The following GALNTL6 variants were observed in gnomAD, a reference collection of about 807,000 sequenced individuals.
The protein encoded by GALNTL6 is polypeptide N-acetylgalactosaminyltransferase like 6, also known as polypeptide N-acetylgalactosaminyltransferase-like 6.
In GALNTL6, 46 loss-of-function variants were observed where a neutral mutation model predicts 73.7. The ratio of observed to expected loss-of-function variants is 0.62; its 90% CI spans 0.49 to 0.80. GALNTL6 has a LOEUF of 0.80. Ranked by LOEUF, GALNTL6 falls within the 30% of genes least tolerant of loss-of-function variation. The pLI is 0.00. For synonymous variants in GALNTL6, 259 were observed against 263.7 expected, an observed-to-expected ratio of 0.98 and a Z score of 0.17; for missense variants, 604 against 755.0, an observed-to-expected ratio of 0.80 and a Z score of 2.34.
intron 5 of GALNTL6, among the ~76,000 whole-genome samples, chr4:172,533,309 G>A (rs1044138526): frequency 6.2e-4 from 83 of 134,114 alleles, no homozygotes; most frequent in African/African-American, 2.1e-3. Context: ...CGCCGTGCCC[G>A]GCCAGAATTT....
rs563642967 is a variant in GALNTL6, at chr4:172,090,135, A to G, written c.139-139521A>G. On this transcript the variant is annotated intron_variant, in intron 2 of 12. Transcript: ENST00000506823. ...TTTGGGTTGGTTCCAAGTCTTTGCT[A>G]TTGTGAACGGTGCCACAATAAACAT... Among the ~76,000 whole-genome samples, 9 of 152,298 alleles carry G rather than the reference A, an allele frequency of 5.9e-5. No individual in the cohort carries two copies. The East Asian group carries it at 1.7e-3, about 29-fold the overall frequency.
chr4:172,552,755 A>C (rs1431336157), intron 5 of GALNTL6, among the ~76,000 whole-genome samples: 1 of 127,830 alleles, frequency 7.8e-6, no homozygotes, highest in South Asian at 2.7e-4. Flanking sequence ...TTAATTCTAT[A>C]TTGCTTTTTC....
chr4:172,153,293 T>C (rs1307033488), intron 2 of GALNTL6, among the ~76,000 whole-genome samples: 3 of 152,180 alleles, frequency 2.0e-5, no homozygotes, highest in African/African-American at 7.2e-5. Context: ...ACACGAACTA[T>C]GATATTGCAT....
chr4:172,806,082 T>C (rs1462180096), intron 5 of GALNTL6, among the ~76,000 whole-genome samples: 1 of 152,290 alleles, frequency 6.6e-6, no homozygotes, highest in East Asian at 1.9e-4. Flanking sequence ...AGTAAATCCC[T>C]TGTATGAGAG....
chr4:172,077,380 G>A (rs1731732400), intron 2 of GALNTL6, among the ~76,000 whole-genome samples: 2 of 152,014 alleles, frequency 1.3e-5, no homozygotes, highest in Admixed American at 1.3e-4. Flanking sequence ...GGACAGTGAA[G>A]TACAGGCTGA....
chr4:172,412,483 C>G (rs111367288), intron 5 of GALNTL6, among the ~76,000 whole-genome samples: 34 of 152,234 alleles, frequency 2.2e-4, no homozygotes, highest in African/African-American at 3.9e-4. Flanking sequence ...TCAGCATTAG[C>G]AGAAACCACA....
intron 5 of GALNTL6, among the ~76,000 whole-genome samples, chr4:172,479,570 G>T (rs1733368393): frequency 6.6e-6 from 1 of 152,054 alleles, no homozygotes; most frequent in Admixed American, 6.5e-5. Flanking sequence ...GTGTGGGAGG[G>T]AAACAAAGGA....
At chr4:172,489,116 G>C (rs1408808799) in intron 5 of GALNTL6, among the ~76,000 whole-genome samples, 1 of 151,902 alleles carries the variant, frequency 6.6e-6, no homozygotes, top group African/African-American at 2.4e-5. Flanking sequence ...TTACTCTCTG[G>C]GACACTCTCT....
Position 172,952,249 on chromosome 4 carries a change from C to A in GALNTL6, c.1362C>A (p.Ala454=). 1 of 1,613,588 alleles carries A rather than the reference C, an allele frequency of 6.2e-7. No homozygotes were observed. The highest frequency in any genetic ancestry group is 8.5e-7 in the Non-Finnish European group (1 of 1,179,644). ...CTCCAGTGGAGCCCCCGCCTGCTGC[C>A]TGGGGGGAGGTGAGGAAAGGTTGCC... ...YYPPVEPPPA[A]WGEIRNVAAN... is the part of the protein sequence containing the mutation. Residue 454 remains alanine (A), a synonymous_variant, in exon 10 of 13, where the codon GCC becomes GCA. Transcript: ENST00000506823.
chr4:172,799,592 A>G (rs2110955615), intron 5 of GALNTL6, among the ~76,000 whole-genome samples: 1 of 152,300 alleles, frequency 6.6e-6, no homozygotes, highest in Admixed American at 6.5e-5. Context: ...ACCAAAATTT[A>G]TCTATATATA....
At chr4:172,198,108 C>CA (rs1735830968) in intron 2 of GALNTL6, among the ~76,000 whole-genome samples, 1 of 151,582 alleles carries the variant, frequency 6.6e-6, no homozygotes, top group South Asian at 2.1e-4. Flanking sequence ...GAGACTCTGT[C>CA]AAAAAAACAA....
At chr4:172,032,210 A>G (rs1380861668) in intron 2 of GALNTL6, among the ~76,000 whole-genome samples, 1 of 152,104 alleles carries the variant, frequency 6.6e-6, no homozygotes, top group Non-Finnish European at 1.5e-5. Flanking sequence ...AGCAAAAACA[A>G]CTTGAAGAAA....
chr4:171,930,822 G>A (rs945774285), intron 2 of GALNTL6, among the ~76,000 whole-genome samples: 3 of 152,138 alleles, frequency 2.0e-5, no homozygotes, highest in Admixed American at 6.5e-5. Context: ...GTGACAGAGC[G>A]AGACTCTGTC....
chr4:172,812,248 C>T (rs941276653), intron 6 of GALNTL6, among the ~76,000 whole-genome samples: 3 of 152,150 alleles, frequency 2.0e-5, no homozygotes, highest in Admixed American at 6.6e-5. Context: ...CTGAAGCAAA[C>T]GGACAGTTTC....
At position 172,944,284 on chromosome 4, in the gene GALNTL6, C is replaced by T. The variant is rs182317901; in HGVS notation, c.1150-7753C>T. 4.0e-3 allele frequency among the ~76,000 whole-genome samples: 609 copies of T among 152,158 alleles called. 2 individuals carry two copies. The highest frequency in any genetic ancestry group is 0.012 in the African/African-American group (508 of 41,526). ...TCTCAAATTTTAATAATAAGTAAAA[C>T]GGCCCAATTTTTAAAATGGGTAAAT... On this transcript the variant is annotated intron_variant, in intron 9 of 12. Transcript: ENST00000506823.
intron 2 of GALNTL6, among the ~76,000 whole-genome samples, chr4:172,092,081 C>G (rs898991382): frequency 6.6e-6 from 1 of 151,612 alleles, no homozygotes; most frequent in African/African-American, 2.4e-5. Context: ...TTTTTTCTAT[C>G]CTTACTATGA....
intron 5 of GALNTL6, among the ~76,000 whole-genome samples, chr4:172,804,841 G>A (rs1740859967): frequency 6.6e-6 from 1 of 152,184 alleles, no homozygotes; most frequent in African/African-American, 2.4e-5. Context: ...AAGATCAGAT[G>A]GATCCCATAG....
intron 5 of GALNTL6, among the ~76,000 whole-genome samples, chr4:172,746,925 T>G (rs986300091): frequency 2.0e-5 from 3 of 152,106 alleles, no homozygotes; most frequent in African/African-American, 7.2e-5. Context: ...TTTGCTGACA[T>G]GATCTTCTAT....
In GALNTL6 at chr4:172,675,981, G is replaced by GAA. The variant is rs557606982; in HGVS notation, c.554-133378_554-133377dup. Among the ~76,000 whole-genome samples, 92 of 152,220 alleles carry GAA rather than the reference G, an allele frequency of 6.0e-4. 1 individual carries two copies. The South Asian group carries it at 0.016, about 26-fold the overall frequency. On this transcript the variant is annotated intron_variant, in intron 5 of 12. Coordinates refer to ENST00000506823, the MANE Select transcript of GALNTL6 (RefSeq NM_001034845.3). The stretch of plus-strand genomic sequence containing the variant: ...GTTTAAAATCTAAAGTTAGCAAAAA[G>GAA]AAAGAGAAAAAATGTGGAAGAATTT...
Sources: gnomAD v4.1 joint callset for allele counts (sites outside exome capture counted in the v4.1 genomes callset) on GRCh38, gnomAD v4.1.1 for gene constraint, MANE v1.5 for transcripts, NCBI Gene and HGNC (gene_info 2026-07-23, HGNC 2026-07-21) for gene names.